IDS: variants seen among roughly 807,000 people sequenced by gnomAD.
The protein encoded by IDS is alpha-L-iduronate sulfate sulfatase.
IDS carries 1 observed loss-of-function variant against 33.5 expected under a neutral mutation model. The ratio of observed to expected loss-of-function variants is 0.03; its 90% CI spans 0.01 to 0.14. The LOEUF is 0.14. Among genes scored for constraint, IDS ranks in the 10% least tolerant of loss-of-function variants. The pLI, the probability that IDS is intolerant of heterozygous loss-of-function variation, is 1.00. For synonymous variants in IDS, 191 were observed against 184.4 expected (o/e 1.04, Z -0.29); for missense variants, 328 against 448.0 (o/e 0.73, Z 2.42).
rs2089283706 is a variant in IDS, at chrX:149,479,380, T to C, written c.*3366A>G. On this transcript the variant is annotated 3_prime_UTR_variant, in exon 9 of 9. Coordinates refer to ENST00000340855, the MANE Select transcript of IDS (RefSeq NM_000202.8). ...ACCATCAGGTTGCTTATTTTTGTTT[T>C]ATGTTTTTTATTTGTATGCATGTTT... 8.9e-6 allele frequency: 1 copy of C among 112,863 alleles called. No individual in the cohort carries two copies. The highest frequency in any genetic ancestry group is 9.4e-5 in the Admixed American group (1 of 10,686). The allele number at this position is 112,863 out of a possible 1,213,427, so 9.3% of individuals were successfully genotyped here.
chrX:149,505,055 G>T lies in IDS; in HGVS notation c.83C>A (p.Thr28Lys). 8.3e-7 allele frequency: 1 copy of T among 1,208,589 alleles called. No homozygotes were observed. Among genetic ancestry groups the T allele is most frequent in the South Asian group, 1.8e-5 (1 of 56,828 alleles). The change falls in exon 1 of 9, where the codon ACG becomes AAG. Residue 28 changes from threonine to lysine, a missense_variant. Coordinates refer to ENST00000340855, the MANE Select transcript of IDS (RefSeq NM_000202.8). ...SSVCVALGSE[T>K]QANSTTDALN... ...GGCACCTGTGGTCGAGTTGGCCTGC[G>T]TTTCGGATCCGAGGGCGACGCAGAC...
rs1557338090 is a variant in IDS, at chrX:149,486,876, C to T, written c.1180+49G>A. The T allele has an allele frequency of 2.6e-6, 3 of 1,165,173 alleles. No individual in the cohort carries two copies. In the Admixed American group the frequency reaches 6.5e-5, roughly 25 times the overall value. ...TTCAATAAAGTGGTTCACATATAAA[C>T]TAAAGGTGATCTTACTGTCAAGCAA... On this transcript the variant is annotated intron_variant, in intron 8 of 8. Transcript: ENST00000340855.
chrX:149,504,454 G>C (rs1167205919), intron 1 of IDS, among the ~76,000 whole-genome samples, 161 bp from the exon 2 acceptor site: 1 of 111,809 alleles, frequency 8.9e-6, no homozygotes. Flanking sequence ...AGTGGGGCTC[G>C]AGGAGGAAGC....
chrX:149,497,826 C>T (rs1400669961), intron 5 of IDS, among the ~76,000 whole-genome samples: 4 of 112,382 alleles, frequency 3.6e-5, no homozygotes, highest in Non-Finnish European at 7.5e-5. Context: ...GTGGTGATCT[C>T]ACCATCCAAC....
In IDS at chrX:149,483,602, C is replaced by T. The variant is rs781803056; in HGVS notation, c.1181-384G>A. Among the ~76,000 whole-genome samples the T allele has an allele frequency of 2.7e-5, 3 of 112,345 alleles. No individual in the cohort carries two copies. In the East Asian group the frequency reaches 8.4e-4, roughly 31 times the overall value. On this transcript the variant is annotated intron_variant, in intron 8 of 8. Coordinates refer to ENST00000340855, the MANE Select transcript of IDS (RefSeq NM_000202.8). Reference sequence around the variant, plus strand: ...GGATCACCCCACACATTACTCCCTTCTGGATGTCTGCATTAGAGTTATCTT... The same window carrying T: ...GGATCACCCCACACATTACTCCCTTTTGGATGTCTGCATTAGAGTTATCTT...
intron 8 of IDS, among the ~76,000 whole-genome samples, chrX:149,484,556 G>C (rs55741461): frequency 8.9e-6 from 1 of 112,606 alleles, no homozygotes; most frequent in South Asian, 3.6e-4. Context: ...TCCTGACCTC[G>C]TGATCCGCCC....
intron 3 of IDS, among the ~76,000 whole-genome samples, chrX:149,501,473 C>T (rs1229790302): frequency 1.8e-5 from 2 of 112,333 alleles, no homozygotes; most frequent in African/African-American, 6.5e-5. Flanking sequence ...TTTTAGAATT[C>T]CAAGTTCAAG....
Position 149,505,165 on chromosome X carries a change from C to A in IDS, c.-28G>T, listed in dbSNP as rs782796006. The A allele has an allele frequency of 1.8e-6, 2 of 1,101,596 alleles. No homozygotes were observed. The highest frequency in any genetic ancestry group is 1.8e-5 in the African/African-American group (1 of 54,793). 90.8% of individuals were successfully genotyped at this position (1,101,596 alleles called of 1,213,427 possible). On this transcript the variant is annotated 5_prime_UTR_variant, in exon 1 of 9. Coordinates refer to ENST00000340855, the MANE Select transcript of IDS (RefSeq NM_000202.8). The stretch of plus-strand genomic sequence containing the variant: ...CGGCTTCGACGCGGCCGCTTCAGAG[C>A]GGCGGGGACAGGCTGCAGCAGGTGG...
intron 2 of IDS, 85 bp from the exon 3 acceptor site, chrX:149,503,574 G>A (rs1396832920): frequency 1.9e-5 from 20 of 1,075,737 alleles, no homozygotes; most frequent in African/African-American, 3.7e-5. Context: ...CCGCCCTCCC[G>A]AGGCTCCTAG....
intron 6 of IDS, among the ~76,000 whole-genome samples, chrX:149,493,654 T>C (rs782461937): frequency 6.0e-4 from 66 of 110,013 alleles, no homozygotes; most frequent in African/African-American, 2.2e-3. Flanking sequence ...GGGACAGTGG[T>C]GGGGAGTTGA....
intron 4 of IDS, 77 bp downstream of exon 4, chrX:149,500,872 C>T: frequency 1.6e-6 from 1 of 641,812 alleles, no homozygotes; most frequent in Non-Finnish European, 2.7e-6. Flanking sequence ...CTTCACAGAA[C>T]ATGCAGTATA....
At chrX:149,488,482 G>A (rs782027800) in intron 7 of IDS, among the ~76,000 whole-genome samples, 139 of 110,077 alleles carry the variant, frequency 1.3e-3, no homozygotes, top group East Asian at 0.012. Context: ...ATCCACTCCC[G>A]GAACTCTGAC....
intron 7 of IDS, chrX:149,487,324 G>C (rs1385015075): frequency 3.5e-6 from 4 of 1,146,001 alleles, no homozygotes; most frequent in Non-Finnish European, 4.8e-6. Flanking sequence ...CTTTAAAAAA[G>C]AAAAAATAAT....
In IDS at chrX:149,505,124, C is replaced by T; in HGVS notation, c.14G>A (p.Arg5Gln). 8.4e-7 allele frequency: 1 copy of T among 1,192,599 alleles called. No individual in the cohort carries two copies. The highest frequency in any genetic ancestry group is 1.1e-6 in the Non-Finnish European group (1 of 880,996). ...CAGCCAGAGAAGGCCTCGGCCGGTC[C>T]GGGGTGGCGGCATTTCGGCTTCGAC... MPPPRTGRGLLWLGL... is the reference protein window; with the variant it reads MPPPQTGRGLLWLGL... The change falls in exon 1 of 9, where the codon CGG becomes CAG. Residue 5 changes from arginine to glutamine, a missense_variant. Around this residue, in one of 4 missense-constraint regions of IDS, gnomAD observed 45 missense variants for 33.6 expected, o/e 1.34. Coordinates refer to ENST00000340855, the MANE Select transcript of IDS (RefSeq NM_000202.8).
rs139288386 is a variant in IDS, at chrX:149,485,671, A to C, written c.1180+1254T>G. 4.0e-3 allele frequency among the ~76,000 whole-genome samples: 444 copies of C among 112,228 alleles called. 2 individuals are homozygous for C. The highest frequency in any genetic ancestry group is 0.018 in the Middle Eastern group (4 of 218). On this transcript the variant is annotated intron_variant, in intron 8 of 8. Coordinates refer to ENST00000340855, the MANE Select transcript of IDS (RefSeq NM_000202.8). ...ACAGCTAGAGATAAAATTTGGAAAT[A>C]AACTGAAAGGCCGTGCAGTTACATC...
chrX:149,487,400 G>GAAC, intron 7 of IDS: 1 of 703,561 alleles, frequency 1.4e-6, no homozygotes, highest in Admixed American at 2.5e-5. Flanking sequence ...GGACTCTGTG[G>GAAC]CGGTTCCCAC....
rs1292334136 is a variant in IDS at position 149,496,644 on chromosome X, T to C, written c.709-128A>G. On this transcript the variant is annotated intron_variant, in intron 5 of 8. Coordinates refer to ENST00000340855, the MANE Select transcript of IDS (RefSeq NM_000202.8). ...GCATTTGAGTGGTGGCTCACTAGCATTCCCCACGTGCTCGGCCCTGACCTG... is the reference window on the plus strand; with the variant it reads ...GCATTTGAGTGGTGGCTCACTAGCACTCCCCACGTGCTCGGCCCTGACCTG... The C allele has an allele frequency of 5.7e-5, 38 of 668,060 alleles. No homozygotes were observed. The East Asian group carries it at 1.2e-3, about 21-fold the overall frequency. The allele number at this position is 668,060 out of a possible 1,213,427, so 55.1% of individuals were successfully genotyped here.
Position 149,478,204 on chromosome X carries a change from G to A in IDS, c.*4542C>T, listed in dbSNP as rs1175394030. 8.9e-6 allele frequency: 1 copy of A among 112,052 alleles called. No homozygotes were observed. The highest frequency in any genetic ancestry group is 1.9e-5 in the Non-Finnish European group (1 of 53,186). The allele number at this position is 112,052 out of a possible 1,213,427, so 9.2% of individuals were successfully genotyped here. ...GGTGAGGCTGCTCCAGAGTCACTTG[G>A]TTACCTCCCAGCACAAACCCCAACA... On this transcript the variant is annotated 3_prime_UTR_variant, in exon 9 of 9. Transcript: ENST00000340855.
chrX:149,491,998 C>T (rs1393354017), intron 6 of IDS, among the ~76,000 whole-genome samples: 4 of 112,394 alleles, frequency 3.6e-5, no homozygotes, highest in African/African-American at 1.3e-4. Flanking sequence ...TCAGTGCAGG[C>T]ATAATGCCAA....
Sources: allele counts gnomAD v4.1 joint callset (sites outside exome capture counted in the v4.1 genomes callset), GRCh38; gene constraint gnomAD v4.1.1; regional missense constraint gnomAD v4.1.1; transcripts MANE v1.5; gene names NCBI Gene and HGNC (gene_info 2026-07-23, HGNC 2026-07-21).